SORCS1: variants seen among roughly 807,000 people sequenced by gnomAD.
SORCS1 encodes the protein sortilin related VPS10 domain containing receptor 1, also known as VPS10 domain-containing receptor SorCS1.
Under a neutral mutation model 146.1 loss-of-function variants are expected in SORCS1, and 60 were observed. The observed-to-expected ratio is 0.41, with a 90% CI of 0.33 to 0.51. The LOEUF is 0.51. Among genes scored for constraint, SORCS1 ranks in the 20% least tolerant of loss-of-function variants. SORCS1 has a pLI of 0.21. For synonymous variants in SORCS1, 637 were observed against 584.0 expected (o/e 1.09, Z -1.31); for missense variants, 1,352 against 1,487.6 (o/e 0.91, Z 1.50).
chr10:106,793,256 G>A (rs1946401120), intron 3 of SORCS1, among the ~76,000 whole-genome samples: 1 of 152,218 alleles, frequency 6.6e-6, no homozygotes, highest in Non-Finnish European at 1.5e-5. Context: ...AAGTAAAGGT[G>A]TTTAACAGAA....
chr10:106,859,716 T>C (rs1394901889), intron 2 of SORCS1, among the ~76,000 whole-genome samples: 2 of 152,164 alleles, frequency 1.3e-5, no homozygotes, highest in Non-Finnish European at 2.9e-5. Context: ...TTGAACCTTT[T>C]CACATCCCTC....
chr10:106,690,101 G>C (rs969196319), intron 9 of SORCS1, among the ~76,000 whole-genome samples: 3 of 152,158 alleles, frequency 2.0e-5, no homozygotes, highest in Non-Finnish European at 4.4e-5. Context: ...ATAAACTCCA[G>C]GAGCACTCTA....
intron 2 of SORCS1, among the ~76,000 whole-genome samples, chr10:106,881,572 C>T (rs1049364933): frequency 3.3e-5 from 5 of 152,120 alleles, no homozygotes; most frequent in African/African-American, 1.2e-4. Context: ...ATCATTTATA[C>T]CAGAAATGCC....
intron 23 of SORCS1, among the ~76,000 whole-genome samples, chr10:106,605,646 T>C (rs573616743): frequency 1.3e-5 from 2 of 152,174 alleles, no homozygotes; most frequent in East Asian, 3.9e-4. Context: ...AGATAATAAT[T>C]TGTAGAGTAT....
chr10:106,801,408 C>T (rs1439365930), intron 3 of SORCS1, among the ~76,000 whole-genome samples: 2 of 151,390 alleles, frequency 1.3e-5, no homozygotes, highest in African/African-American at 4.9e-5. Flanking sequence ...TAAAACATCA[C>T]AGTAATAGCA....
intron 2 of SORCS1, among the ~76,000 whole-genome samples, chr10:106,868,170 A>G: frequency 6.6e-6 from 1 of 152,152 alleles, no homozygotes. Flanking sequence ...ATATATACAC[A>G]CCCAACACAG....
At chr10:106,916,596 A>T (rs1952443275) in intron 2 of SORCS1, among the ~76,000 whole-genome samples, 1 of 148,810 alleles carries the variant, frequency 6.7e-6, no homozygotes, top group Admixed American at 6.7e-5. Context: ...ACACACACAC[A>T]CACACATATG....
intron 3 of SORCS1, among the ~76,000 whole-genome samples, chr10:106,780,247 T>C (rs1860788701): frequency 6.6e-6 from 1 of 152,226 alleles, no homozygotes; most frequent in African/African-American, 2.4e-5. Flanking sequence ...AATTAGCAAA[T>C]ATTCTTCAAA....
chr10:107,081,126 G>A (rs1202242145), intron 1 of SORCS1, among the ~76,000 whole-genome samples: 4 of 152,124 alleles, frequency 2.6e-5, no homozygotes, highest in Non-Finnish European at 5.9e-5. Context: ...CCAAAAAGCT[G>A]TATCTCTAAA....
At chr10:106,774,256 AC>A (rs1421522867) in intron 4 of SORCS1, among the ~76,000 whole-genome samples, 2 of 152,158 alleles carry the variant, frequency 1.3e-5, no homozygotes, top group Non-Finnish European at 2.9e-5. Context: ...ACCTCATATT[AC>A]CACAGTTTAT....
At chr10:107,037,635 A>G (rs1300702714) in intron 1 of SORCS1, among the ~76,000 whole-genome samples, 16 of 152,182 alleles carry the variant, frequency 1.1e-4, no homozygotes, top group Non-Finnish European at 1.5e-5. Context: ...TGAACATTAT[A>G]TTGTTTTTCC....
At chr10:107,155,470 T>A (rs192169408) in intron 1 of SORCS1, among the ~76,000 whole-genome samples, 1 of 152,268 alleles carries the variant, frequency 6.6e-6, no homozygotes, top group Non-Finnish European at 1.5e-5. Context: ...CCCAGGCACC[T>A]ATGAGTGAGC....
intron 23 of SORCS1, 136 bp from the exon 24 acceptor site, chr10:106,597,586 TTTTGA>T (rs1304323369): frequency 6.3e-6 from 4 of 635,656 alleles, no homozygotes; most frequent in East Asian, 3.0e-5. Flanking sequence ...GTTTATATGA[TTTTGA>T]TTTAATTCCA....
intron 1 of SORCS1, among the ~76,000 whole-genome samples, chr10:107,003,656 G>T (rs999455359): frequency 6.6e-6 from 1 of 152,150 alleles, no homozygotes; most frequent in Non-Finnish European, 1.5e-5. Flanking sequence ...TTAGGGTAAT[G>T]ACATTATCTG....
intron 1 of SORCS1, among the ~76,000 whole-genome samples, chr10:107,023,407 T>TTAAACTGCAGTG (rs1958242569): frequency 6.6e-6 from 1 of 152,198 alleles, no homozygotes. Context: ...CTGGTTGTAT[T>TTAAACTGCAGTG]CATTTTAGCA....
chr10:106,788,769 G>C (rs1459209016), intron 3 of SORCS1, among the ~76,000 whole-genome samples: 2 of 152,114 alleles, frequency 1.3e-5, no homozygotes, highest in Non-Finnish European at 2.9e-5. Flanking sequence ...CTTTTCCAGG[G>C]GCACAGTGCA....
intron 1 of SORCS1, among the ~76,000 whole-genome samples, chr10:106,983,361 T>C (rs1270197262): frequency 2.6e-5 from 4 of 151,748 alleles, no homozygotes; most frequent in African/African-American, 7.2e-5. Flanking sequence ...CTGATATATA[T>C]ATAGTTGCTT....
chr10:107,059,249 A>C (rs1960938798), intron 1 of SORCS1, among the ~76,000 whole-genome samples: 1 of 152,162 alleles, frequency 6.6e-6, no homozygotes, highest in Admixed American at 6.5e-5. Flanking sequence ...AACTAGAATG[A>C]GGCCAAAAGC....
At chr10:107,093,168 A>G (rs1365981888) in intron 1 of SORCS1, among the ~76,000 whole-genome samples, 2 of 152,134 alleles carry the variant, frequency 1.3e-5, no homozygotes, top group African/African-American at 2.4e-5. Flanking sequence ...TTTTTTAACC[A>G]AGATGCAGTA....
Sources: allele counts gnomAD v4.1 joint callset (sites outside exome capture counted in the v4.1 genomes callset), GRCh38; gene constraint gnomAD v4.1.1; transcripts MANE v1.5; gene names NCBI Gene and HGNC (gene_info 2026-07-23, HGNC 2026-07-21).